CFAP61: variants seen among roughly 807,000 people sequenced by gnomAD.
CFAP61 encodes cilia- and flagella-associated protein 61.
Under a neutral mutation model 135.6 loss-of-function variants are expected in CFAP61, and 107 were observed. The ratio of observed to expected loss-of-function variants is 0.79; its 90% CI spans 0.67 to 0.93. The LOEUF (loss-of-function observed/expected upper bound fraction) is 0.93, where lower values mean the gene tolerates loss of function less well. Among genes scored for constraint, CFAP61 ranks in the 40% least tolerant of loss-of-function variants. CFAP61 has a pLI of 0.00. For synonymous variants in CFAP61, 575 were observed against 578.5 expected (o/e 0.99, Z 0.09); for missense variants, 1,507 against 1,556.2 (o/e 0.97, Z 0.53).
chr20:20,323,569 G>A (rs2057623584), intron 25 of CFAP61, among the ~76,000 whole-genome samples: 1 of 152,298 alleles, frequency 6.6e-6, no homozygotes, highest in African/African-American at 2.4e-5. Flanking sequence ...TATTAATAAC[G>A]AATGGAATGC....
At position 20,288,678 on chromosome 20, in the gene CFAP61, G is replaced by T. The variant is rs771735943; in HGVS notation, c.2866G>T (p.Val956Leu). ...TFKALNDACL[V>L]YDSRLVIDTN... ...TAAAGCCCTCAATGATGCATGTCTT[G>T]TGTATGACAGTCGACTTGTGATTGA... Residue 956 changes from valine to leucine, a missense_variant, in exon 23 of 27, where the codon GTG becomes TTG. Val to Leu is a conservative substitution (Grantham distance 32). Transcript: ENST00000245957. 2 of 1,614,126 alleles carry T rather than the reference G, an allele frequency of 1.2e-6. No individual in the cohort carries two copies. Among genetic ancestry groups the T allele is most frequent in the East Asian group, 2.2e-5 (1 of 44,888 alleles).
intron 26 of CFAP61, among the ~76,000 whole-genome samples, chr20:20,358,768 T>C (rs115921340): frequency 0.028 from 4,300 of 152,320 alleles, 199 homozygotes; most frequent in African/African-American, 0.099. Flanking sequence ...TATGCCTCCA[T>C]ATAGCTTGAG....
chr20:20,134,259 A>C (rs949829848), intron 8 of CFAP61, among the ~76,000 whole-genome samples: 1 of 152,212 alleles, frequency 6.6e-6, no homozygotes, highest in African/African-American at 2.4e-5. Flanking sequence ...GGAGCTTTCT[A>C]GGTGAATAAG....
At chr20:20,187,606 AT>A (rs35996452) in intron 13 of CFAP61, among the ~76,000 whole-genome samples, 1 of 152,206 alleles carries the variant, frequency 6.6e-6, no homozygotes, top group African/African-American at 2.4e-5. Context: ...TTGTAACATA[AT>A]TTAAAAATTG....
At chr20:20,250,832 A>C (rs1022839967) in intron 19 of CFAP61, among the ~76,000 whole-genome samples, 1 of 152,214 alleles carries the variant, frequency 6.6e-6, no homozygotes, top group African/African-American at 2.4e-5. Context: ...ACCCACTCTT[A>C]TCATACTACG....
intron 7 of CFAP61, among the ~76,000 whole-genome samples, chr20:20,097,033 GT>G (rs1568893375): frequency 6.6e-6 from 1 of 151,438 alleles, no homozygotes; most frequent in East Asian, 1.9e-4. Context: ...TTGCAAACAC[GT>G]TTGAGAACAA....
chr20:20,121,873 C>A (rs994202046), intron 8 of CFAP61, among the ~76,000 whole-genome samples: 6 of 151,074 alleles, frequency 4.0e-5, no homozygotes, highest in Admixed American at 6.6e-5. Flanking sequence ...TTCTTCCTTT[C>A]TTACTGTTGT....
Position 20,163,959 on chromosome 20 carries a change from G to A in CFAP61, c.1027-91G>A, listed in dbSNP as rs1361377691. 19 of 1,045,570 alleles carry A rather than the reference G, an allele frequency of 1.8e-5. No homozygotes were observed. In the African/African-American group the frequency reaches 2.1e-4, roughly 11 times the overall value. The allele number at this position is 1,045,570 out of a possible 1,614,324, so 64.8% of individuals were successfully genotyped here. Reference sequence around the variant, plus strand: ...TGACAGTCACACCTGTCCTCAGAACGGTGTCATGTAGAGATAATGCAGCCA... The same window carrying A: ...TGACAGTCACACCTGTCCTCAGAACAGTGTCATGTAGAGATAATGCAGCCA... On this transcript the variant is annotated intron_variant, in intron 10 of 26. Transcript: ENST00000245957.
rs370788541 is a variant in CFAP61 at position 20,307,148 on chromosome 20, G to T, written c.3422+8762G>T. Among the ~76,000 whole-genome samples the T allele has an allele frequency of 6.6e-5, 10 of 152,240 alleles. No individual in the cohort carries two copies. In the East Asian group the frequency reaches 1.9e-3, roughly 29 times the overall value. ...TGCACACTTGGTATATATCCTAAGA[G>T]AATTTAGTTTGAAACTCCTACAGTC... On this transcript the variant is annotated intron_variant, in intron 25 of 26. Transcript: ENST00000245957.
intron 6 of CFAP61, among the ~76,000 whole-genome samples, chr20:20,088,757 G>A (rs742700): frequency 0.047 from 7,129 of 152,134 alleles, 554 homozygotes; most frequent in African/African-American, 0.16. Context: ...TCCTTGTACC[G>A]TGGTCTTGTT....
At chr20:20,291,502 C>T (rs1452063368) in intron 24 of CFAP61, among the ~76,000 whole-genome samples, 1 of 152,162 alleles carries the variant, frequency 6.6e-6, no homozygotes, top group Non-Finnish European at 1.5e-5. Context: ...TAGCTCATTT[C>T]TTTTTGGCAC....
At chr20:20,165,612 C>T (rs1240899892) in intron 11 of CFAP61, among the ~76,000 whole-genome samples, 1 of 152,050 alleles carries the variant, frequency 6.6e-6, no homozygotes, top group Non-Finnish European at 1.5e-5. Flanking sequence ...ATCTCCTTAG[C>T]ACCCACCCCT....
chr20:20,060,067 A>C (rs2146539507), intron 2 of CFAP61, among the ~76,000 whole-genome samples: 1 of 89,500 alleles, frequency 1.1e-5, no homozygotes. Context: ...TCTGAAAAAT[A>C]ACAGAGGGGG....
chr20:20,179,626 A>C (rs937284918), intron 13 of CFAP61, among the ~76,000 whole-genome samples: 19 of 152,226 alleles, frequency 1.2e-4, no homozygotes. Flanking sequence ...ACCTGACTTC[A>C]AACTATACTG....
chr20:20,054,013 G>GTTTTTTTTTTTTTTTTTTTTTTTTT, intron 1 of CFAP61, among the ~76,000 whole-genome samples: 1 of 59,106 alleles, frequency 1.7e-5, no homozygotes. Flanking sequence ...TTTTTTGTTT[G>GTTTTTTTTTTTTTTTTTTTTTTTTT]TTTTTTTTTT....
chr20:20,098,253 C>T (rs118015274), intron 7 of CFAP61, among the ~76,000 whole-genome samples: 4 of 152,218 alleles, frequency 2.6e-5, no homozygotes, highest in African/African-American at 4.8e-5. Context: ...AACCACCAGC[C>T]GACCACATTC....
intron 8 of CFAP61, among the ~76,000 whole-genome samples, chr20:20,130,977 G>A (rs1038071203): frequency 6.6e-6 from 1 of 151,862 alleles, no homozygotes; most frequent in African/African-American, 2.4e-5. Flanking sequence ...GGGAACCCAA[G>A]ATAGTAGGGA....
At chr20:20,067,478 C>A (rs1300196625) in intron 2 of CFAP61, among the ~76,000 whole-genome samples, 1 of 151,344 alleles carries the variant, frequency 6.6e-6, no homozygotes, top group African/African-American at 2.4e-5. Context: ...CTTGTCTCTA[C>A]TAAAAATACA....
chr20:20,093,102 A>G (rs983292322), intron 7 of CFAP61, among the ~76,000 whole-genome samples: 1 of 152,254 alleles, frequency 6.6e-6, no homozygotes, highest in Non-Finnish European at 1.5e-5. Context: ...AAGATGTGGT[A>G]TATCCACACA....
Sources: allele counts gnomAD v4.1 joint callset (sites outside exome capture counted in the v4.1 genomes callset), GRCh38; gene constraint gnomAD v4.1.1; transcripts MANE v1.5; gene names NCBI Gene and HGNC (gene_info 2026-07-23, HGNC 2026-07-21).